STK32B: variants seen among roughly 807,000 people sequenced by gnomAD.
The protein encoded by STK32B is serine/threonine-protein kinase 32B.
A neutral mutation model predicts 52.6 loss-of-function variants in STK32B; 43 were observed. The observed-to-expected ratio is 0.82, with a 90% CI of 0.64 to 1.05. STK32B has a LOEUF of 1.05. STK32B is among the 50% of genes least tolerant of loss of function. The pLI is 0.00. For synonymous variants in STK32B, 238 were observed against 204.3 expected, an observed-to-expected ratio of 1.17 and a Z score of -1.41; for missense variants, 621 against 534.6, an observed-to-expected ratio of 1.16 and a Z score of -1.59.
At position 5,168,376 on chromosome 4, in the gene STK32B, G is replaced by A. The variant is rs1211142771; in HGVS notation, c.186G>A (p.Arg62=). The change falls in exon 3 of 12, where the codon AGG becomes AGA. Residue 62 remains arginine, a synonymous_variant. Transcript: ENST00000282908. ...TGAACAAGCAGAAGTGCATCGAGAG[G>A]GATGAGGTTCGGAATGTTTTCCGGG... is the stretch of plus-strand genomic sequence containing the variant. ...KYMNKQKCIE[R]DEVRNVFREL... is the part of the protein sequence containing the mutation. 2.5e-6 allele frequency: 4 copies of A among 1,613,790 alleles called. 1 individual carries two copies. Among genetic ancestry groups the A allele is most frequent in the South Asian group, 1.1e-5 (1 of 91,042 alleles).
intron 1 of STK32B, among the ~76,000 whole-genome samples, chr4:5,105,047 C>T (rs751157120): frequency 5.4e-4 from 82 of 152,254 alleles, no homozygotes; most frequent in South Asian, 8.3e-4. Flanking sequence ...TTTTCACTTG[C>T]GACGTAAGAG....
At chr4:5,344,149 G>C (rs1347027944) in intron 4 of STK32B, among the ~76,000 whole-genome samples, 1 of 152,020 alleles carries the variant, frequency 6.6e-6, no homozygotes, top group Non-Finnish European at 1.5e-5. Flanking sequence ...CCTTTCTCTG[G>C]CCTCTTAAAA....
intron 3 of STK32B, among the ~76,000 whole-genome samples, chr4:5,262,024 C>T (rs894680425): frequency 3.3e-5 from 5 of 152,204 alleles, no homozygotes; most frequent in African/African-American, 1.2e-4. Flanking sequence ...GCATAACTCG[C>T]TCCATTTCAT....
At position 5,326,960 on chromosome 4, in the gene STK32B, A is replaced by G. The variant is rs188685548; in HGVS notation, c.261-4260A>G. On this transcript the variant is annotated intron_variant, in intron 3 of 11. Coordinates refer to ENST00000282908, the MANE Select transcript of STK32B (RefSeq NM_018401.3). Reference sequence around the variant, plus strand: ...AAATCCTACAGCCGCTTTATCAACTAAGCTTATGTAATATTCTAAACCTCT... The same window carrying G: ...AAATCCTACAGCCGCTTTATCAACTGAGCTTATGTAATATTCTAAACCTCT... Among the ~76,000 whole-genome samples the G allele has an allele frequency of 3.3e-4, 50 of 152,286 alleles. No homozygotes were observed. The East Asian group carries it at 9.6e-3, about 29-fold the overall frequency.
At chr4:5,438,906 T>C (rs1467064037) in intron 6 of STK32B, among the ~76,000 whole-genome samples, 2 of 151,764 alleles carry the variant, frequency 1.3e-5, no homozygotes, top group African/African-American at 2.4e-5. Context: ...TCCAATTTCA[T>C]CCATGTCCCT....
chr4:5,077,313 C>T (rs190206048), intron 1 of STK32B, among the ~76,000 whole-genome samples: 60 of 152,148 alleles, frequency 3.9e-4, no homozygotes, highest in Non-Finnish European at 6.3e-4. Flanking sequence ...CCTTGCTGCA[C>T]GCAGGCATTT....
At chr4:5,061,173 C>T (rs763612669) in intron 1 of STK32B, among the ~76,000 whole-genome samples, 6 of 152,194 alleles carry the variant, frequency 3.9e-5, no homozygotes, top group African/African-American at 7.2e-5. Flanking sequence ...GACAATACTT[C>T]TTTGCTTTTT....
At chr4:5,062,306 G>T (rs940253268) in intron 1 of STK32B, among the ~76,000 whole-genome samples, 1 of 152,092 alleles carries the variant, frequency 6.6e-6, no homozygotes, top group African/African-American at 2.4e-5. Flanking sequence ...TAGGGTCATC[G>T]TGAGCTTTTT....
chr4:5,270,764 T>C lies in STK32B; in HGVS notation c.261-60456T>C, dbSNP rs574148651. On this transcript the variant is annotated intron_variant, in intron 3 of 11. Coordinates refer to ENST00000282908, the MANE Select transcript of STK32B (RefSeq NM_018401.3). ...ATGGGAAAGGATGAATAAAACTTTA[T>C]TTGCTGGCAGATGATATGCTTATGT... Among the ~76,000 whole-genome samples the C allele has an allele frequency of 7.9e-5, 12 of 152,314 alleles. No homozygotes were observed. The South Asian group carries it at 2.5e-3, about 32-fold the overall frequency.
chr4:5,152,294 T>G (rs1260637712), intron 2 of STK32B, among the ~76,000 whole-genome samples: 1 of 152,234 alleles, frequency 6.6e-6, no homozygotes, highest in Admixed American at 6.5e-5. Flanking sequence ...ACATGTGCCT[T>G]GCTTTCTAAA....
At chr4:5,313,184 C>T (rs905525173) in intron 3 of STK32B, among the ~76,000 whole-genome samples, 2 of 151,460 alleles carry the variant, frequency 1.3e-5, no homozygotes, top group African/African-American at 4.9e-5. Context: ...GAATTACACA[C>T]CACAACAAAT....
chr4:5,020,612 C>T, the STK32B span, among the ~76,000 whole-genome samples: 1 of 152,080 alleles, frequency 6.6e-6, no homozygotes, highest in East Asian at 1.9e-4. Context: ...GACTTCAGGC[C>T]CTGTCCTCCT....
In STK32B at chr4:5,334,409, C is replaced by T. The variant is rs1577361090; in HGVS notation, c.434+3016C>T. Among the ~76,000 whole-genome samples, 4 of 152,258 alleles carry T rather than the reference C, an allele frequency of 2.6e-5. No individual in the cohort carries two copies. The East Asian group carries it at 7.7e-4, about 29-fold the overall frequency. ...CAATGGGGTTTTCTAGGTATACAAT[C>T]ATGTCATCTGCAAACAGGGACAATT... On this transcript the variant is annotated intron_variant, in intron 4 of 11. Coordinates refer to ENST00000282908, the MANE Select transcript of STK32B (RefSeq NM_018401.3).
chr4:5,189,014 TAAAAAAA>T (rs78002999), intron 3 of STK32B, among the ~76,000 whole-genome samples: 4 of 143,552 alleles, frequency 2.8e-5, no homozygotes, highest in Admixed American at 2.1e-4. Context: ...AGGTATAATT[TAAAAAAA>T]AAAAAGAAAA....
At chr4:5,164,346 G>A (rs1267613994) in intron 2 of STK32B, among the ~76,000 whole-genome samples, 3 of 152,042 alleles carry the variant, frequency 2.0e-5, no homozygotes, top group African/African-American at 4.8e-5. Flanking sequence ...ATAGCCTTCC[G>A]CCTGGATGTG....
chr4:5,346,730 A>G (rs1214430145), intron 4 of STK32B, among the ~76,000 whole-genome samples: 1 of 152,278 alleles, frequency 6.6e-6, no homozygotes, highest in South Asian at 2.1e-4. Context: ...AGAGCTGTTG[A>G]GGGATTGAAT....
chr4:5,169,645 GTA>G (rs1364882169), intron 3 of STK32B, among the ~76,000 whole-genome samples: 1 of 152,136 alleles, frequency 6.6e-6, no homozygotes, highest in African/African-American at 2.4e-5. Flanking sequence ...TGGAGTCTCA[GTA>G]TCCACCGAGA....
At chr4:5,084,027 A>G (rs1160338756) in intron 1 of STK32B, among the ~76,000 whole-genome samples, 1 of 152,166 alleles carries the variant, frequency 6.6e-6, no homozygotes, top group African/African-American at 2.4e-5. Context: ...GTGAGCCACC[A>G]TGCCCAGTCT....
intron 6 of STK32B, among the ~76,000 whole-genome samples, chr4:5,444,588 G>A (rs987046701): frequency 1.3e-5 from 2 of 152,282 alleles, no homozygotes; most frequent in African/African-American, 4.8e-5. Flanking sequence ...GGGAGCTGTT[G>A]ACCGGAGCTG....
Sources: gnomAD v4.1 joint callset for allele counts (sites outside exome capture counted in the v4.1 genomes callset) on GRCh38, gnomAD v4.1.1 for gene constraint, MANE v1.5 for transcripts, NCBI Gene and HGNC (gene_info 2026-07-23, HGNC 2026-07-21) for gene names.